Variants in RPAIN observed in about 807,000 individuals in gnomAD.
The protein encoded by RPAIN is RPA interacting protein.
In RPAIN, 29 loss-of-function variants were observed where a neutral mutation model predicts 30.5. The observed-to-expected ratio is 0.95, with a 90% CI of 0.71 to 1.30. The LOEUF is 1.30. Ranked by LOEUF, RPAIN falls within the 50% of genes most tolerant of loss-of-function variation. RPAIN has a pLI of 0.00. For missense variants in RPAIN, 247 were observed against 264.7 expected (o/e 0.93, Z 0.46); for synonymous variants, 101 against 93.5 (o/e 1.08, Z -0.46).
chr17:5,429,874 TTGGC>T, intron 6 of RPAIN: 4 of 778,148 alleles, frequency 5.1e-6, no homozygotes, highest in Non-Finnish European at 6.2e-6. Context: ...TCACAAGGAA[TTGGC>T]CAGTCTCAGC....
In RPAIN at chr17:5,421,638, A is replaced by G. The variant is rs569593313; in HGVS notation, c.252+172A>G. 64 of 523,390 alleles carry G rather than the reference A, an allele frequency of 1.2e-4. No homozygotes were observed. The South Asian group carries it at 1.8e-3, about 15-fold the overall frequency. 32.4% of individuals were successfully genotyped at this position (523,390 alleles called of 1,614,324 possible). A position where few individuals can be genotyped will look rare whatever the true frequency, so the allele number is the denominator to read the frequency against. On this transcript the variant is annotated intron_variant, in intron 2 of 6. Coordinates refer to ENST00000381209, the MANE Select transcript of RPAIN (RefSeq NM_001033002.4). ...TACACTTAATGTTAGACTTGTCTAG[A>G]TGAAATGGTCTGAAATACCAGACCG...
In RPAIN at chr17:5,428,343, A is replaced by G. The variant is rs925417210; in HGVS notation, c.630+132A>G. The G allele has an allele frequency of 8.4e-6, 13 of 1,540,734 alleles. No homozygotes were observed. In the African/African-American group the frequency reaches 1.5e-4, roughly 18 times the overall value. Reference sequence around the variant, plus strand: ...TTTATTATCTGAGGAATTTACCTGCATAGAAAAGTGAAGGTAACAAGTCAT... The same window carrying G: ...TTTATTATCTGAGGAATTTACCTGCGTAGAAAAGTGAAGGTAACAAGTCAT... On this transcript the variant is annotated intron_variant, in intron 6 of 6. Coordinates refer to ENST00000381209, the MANE Select transcript of RPAIN (RefSeq NM_001033002.4).
chr17:5,430,593 G>A (rs1037260092), intron 6 of RPAIN: 7 of 152,298 alleles, frequency 4.6e-5, no homozygotes, highest in Non-Finnish European at 8.8e-5. Context: ...GTCTCTCCTT[G>A]GGCTTTCACC....
chr17:5,431,905 C>T (rs1463910610), intron 6 of RPAIN: 18 of 313,820 alleles, frequency 5.7e-5, no homozygotes, highest in Non-Finnish European at 8.0e-5. Context: ...TATTGGAACG[C>T]TAAGCCTGTG....
rs956044510 is a variant in RPAIN at position 5,420,741 on chromosome 17, A to G, written c.81+450A>G. Among the ~76,000 whole-genome samples, 18 of 152,238 alleles carry G rather than the reference A, an allele frequency of 1.2e-4. No homozygotes were observed. In the East Asian group the frequency reaches 3.3e-3, roughly 28 times the overall value. ...CCAAGAAAGTAACCCGACGCAAGAA[A>G]GATAGCAGATACAGCAGAGTTTCTC... is the stretch of plus-strand genomic sequence containing the variant. On this transcript the variant is annotated intron_variant, in intron 1 of 6. Coordinates refer to ENST00000381209, the MANE Select transcript of RPAIN (RefSeq NM_001033002.4).
At chr17:5,429,474 G>A in intron 6 of RPAIN, 1 of 984,926 alleles carries the variant, frequency 1.0e-6, no homozygotes, top group Non-Finnish European at 1.2e-6. Context: ...ATGTAATCTG[G>A]CCAAAATTTT....
At chr17:5,428,494 G>T (rs1776731193) in intron 6 of RPAIN, 5 of 1,402,948 alleles carry the variant, frequency 3.6e-6, no homozygotes, top group Middle Eastern at 5.4e-4. Context: ...AGTGGTTTTG[G>T]ATTCAGCTGG....
intron 6 of RPAIN, chr17:5,432,045 C>G (rs1597347935): frequency 4.6e-6 from 1 of 219,320 alleles, no homozygotes; most frequent in East Asian, 1.3e-4. Flanking sequence ...GAGGCTGAGC[C>G]ACCCAGGAGT....
chr17:5,425,741 C>T (rs929321233), intron 3 of RPAIN, among the ~76,000 whole-genome samples: 14 of 152,142 alleles, frequency 9.2e-5, no homozygotes, highest in African/African-American at 3.1e-4. Context: ...ATTGTCTCCT[C>T]GGCCCTTAGC....
At chr17:5,431,558 G>A in intron 6 of RPAIN, 1 of 454,274 alleles carries the variant, frequency 2.2e-6, no homozygotes, top group Non-Finnish European at 4.4e-6. Flanking sequence ...ATTTGGAAAG[G>A]TAGACATTTG....
In RPAIN at chr17:5,426,019, A is replaced by C. The variant is rs540176191; in HGVS notation, c.362A>C (p.Lys121Thr). The C allele has an allele frequency of 2.5e-6, 4 of 1,614,036 alleles. No homozygotes were observed. In the Admixed American group the frequency reaches 6.7e-5, roughly 27 times the overall value. ...GAGAAGAGCTTGCAGTTTGATGAAA[A>C]GTGTCTCAGCATCATGCTGGCTGAG... Reference protein sequence around the residue: ...EYEKSLQFDEKCLSIMLAEWE... With the variant: ...EYEKSLQFDETCLSIMLAEWE... Residue 121 changes from lysine (K) to threonine (T), a missense_variant, in exon 4 of 7, where the codon AAG (lysine) becomes ACG (threonine). By Grantham distance (78) the Lys-to-Thr change is moderately conservative (BLOSUM62 -1). Coordinates refer to ENST00000381209, the MANE Select transcript of RPAIN (RefSeq NM_001033002.4).
chr17:5,425,892 C>G (rs1011700416), intron 3 of RPAIN, 79 bp from the exon 4 acceptor site: 27 of 873,126 alleles, frequency 3.1e-5, no homozygotes, highest in Non-Finnish European at 5.0e-5. Context: ...GTGAAGGAAG[C>G]CTTTGACAGT....
intron 3 of RPAIN, among the ~76,000 whole-genome samples, chr17:5,423,336 G>A (rs1482058572): frequency 2.7e-5 from 4 of 145,960 alleles, no homozygotes; most frequent in Non-Finnish European, 6.0e-5. Context: ...ACAAGATCCT[G>A]TCTCTACAGA....
In RPAIN at chr17:5,429,054, T is replaced by TA. The variant is rs1008688027; in HGVS notation, c.630+853dup. The TA allele has an allele frequency of 9.6e-3, 7,105 of 742,432 alleles. 1 individual carries two copies. Among genetic ancestry groups the TA allele is most frequent in the Non-Finnish European group, 0.01 (6,185 of 609,364 alleles). The allele number at this position is 742,432 out of a possible 1,614,324, so 46.0% of individuals were successfully genotyped here. A position where few individuals can be genotyped will look rare whatever the true frequency, so the allele number is the denominator to read the frequency against. On this transcript the variant is annotated intron_variant, in intron 6 of 6. Transcript: ENST00000381209. ...TTCCATAGGTATTCTACTCATTCATTAAAAAAAAAATGAATTGAGGACTCA... is the reference window on the plus strand; with the variant it reads ...TTCCATAGGTATTCTACTCATTCATTAAAAAAAAAAATGAATTGAGGACTCA...
intron 6 of RPAIN, chr17:5,430,616 A>G (rs1308206007): frequency 2.0e-5 from 3 of 152,282 alleles, no homozygotes; most frequent in Non-Finnish European, 4.4e-5. Flanking sequence ...ACCTCATGCC[A>G]TGTCACCTGT....
At chr17:5,426,503 T>C (rs915813344) in intron 5 of RPAIN, 26 of 568,644 alleles carry the variant, frequency 4.6e-5, no homozygotes, top group Non-Finnish European at 7.3e-5. Context: ...TCAGAGCCTT[T>C]AGGGCCCTGG....
intron 6 of RPAIN, chr17:5,429,621 AG>A: frequency 1.0e-6 from 1 of 985,456 alleles, no homozygotes; most frequent in South Asian, 4.7e-5. Flanking sequence ...GAGACATAGC[AG>A]GTGAAAGTTT....
At chr17:5,420,396 G>T (rs943303419) in intron 1 of RPAIN, 105 bp downstream of exon 1, 66 of 983,180 alleles carry the variant, frequency 6.7e-5, no homozygotes, top group Admixed American at 5.8e-4. Context: ...GCCGCAGCGC[G>T]CCTGGTCTGG....
At position 5,426,024 on chromosome 17, in the gene RPAIN, C is replaced by G; in HGVS notation, c.367C>G (p.Leu123Val). Reference sequence around the variant, plus strand: ...GAGCTTGCAGTTTGATGAAAAGTGTCTCAGCATCATGCTGGCTGAGTGGGA... The same window carrying G: ...GAGCTTGCAGTTTGATGAAAAGTGTGTCAGCATCATGCTGGCTGAGTGGGA... ...EKSLQFDEKC[L>V]SIMLAEWEAN... Residue 123 changes from leucine (L) to valine (V), a missense_variant, in exon 4 of 7, where the codon CTC (leucine) becomes GTC (valine). Physicochemically the swap from Leu to Val is conservative, Grantham distance 32 (BLOSUM62 1). Transcript: ENST00000381209. 6.2e-7 allele frequency: 1 copy of G among 1,613,990 alleles called. No individual in the cohort carries two copies. Among genetic ancestry groups the G allele is most frequent in the African/African-American group, 1.3e-5 (1 of 75,064 alleles).
Sources: allele counts gnomAD v4.1 joint callset (sites outside exome capture counted in the v4.1 genomes callset), GRCh38; gene constraint gnomAD v4.1.1; transcripts MANE v1.5; gene names NCBI Gene and HGNC (gene_info 2026-07-23, HGNC 2026-07-21).